WSCD1: variants seen among roughly 807,000 people sequenced by gnomAD.
WSCD1 encodes sialate:O-sulfotransferase 1.
A neutral mutation model predicts 60.4 loss-of-function variants in WSCD1; 41 were observed. The ratio of observed to expected loss-of-function variants is 0.68; its 90% CI spans 0.53 to 0.88. The LOEUF (loss-of-function observed/expected upper bound fraction) is 0.88, where lower values mean the gene tolerates loss of function less well. WSCD1 is among the 40% of genes least tolerant of loss of function. The pLI is 0.00. For missense variants in WSCD1, 784 were observed against 796.2 expected (o/e 0.98, Z 0.18); for synonymous variants, 361 against 332.5 (o/e 1.09, Z -0.93).
At chr17:6,076,913 C>T (rs529118862) in intron 1 of WSCD1, among the ~76,000 whole-genome samples, 3 of 152,290 alleles carry the variant, frequency 2.0e-5, no homozygotes, top group Admixed American at 2.0e-4. Flanking sequence ...AAACATTTAC[C>T]ATCACTGCCC....
chr17:6,089,531 G>A (rs1214932494), intron 3 of WSCD1, among the ~76,000 whole-genome samples: 1 of 152,184 alleles, frequency 6.6e-6, no homozygotes, highest in African/African-American at 2.4e-5. Context: ...CTGTGCAGTA[G>A]GGCCCATGTG....
intron 5 of WSCD1, among the ~76,000 whole-genome samples, chr17:6,107,388 C>A (rs895025084): frequency 1.3e-5 from 2 of 152,052 alleles, no homozygotes; most frequent in African/African-American, 4.8e-5. Context: ...GTAATCCCGG[C>A]TATTCAGGAG....
chr17:6,120,569 A>G lies in WSCD1; in HGVS notation c.1636A>G (p.Lys546Glu), dbSNP rs776548004. 3.1e-6 allele frequency: 5 copies of G among 1,613,752 alleles called. No individual in the cohort carries two copies. Among genetic ancestry groups the G allele is most frequent in the Non-Finnish European group, 4.2e-6 (5 of 1,179,992 alleles). ...CCCTGAGCCCTTCACCCCGGAGATG[A>G]AAGACTTGATCAATGGCTACATCCG... is the stretch of plus-strand genomic sequence containing the variant. The part of the protein sequence containing the change: ...HDPEPFTPEM[K>E]DLINGYIRTV... The change falls in exon 9 of 9, where the codon AAA becomes GAA. Residue 546 changes from lysine (K) to glutamate (E), a missense_variant. By Grantham distance (56) the Lys-to-Glu change is moderately conservative. Transcript: ENST00000317744.
upstream of WSCD1, among the ~76,000 whole-genome samples, chr17:6,069,470 G>C (rs942387183): frequency 2.0e-5 from 3 of 147,262 alleles, no homozygotes; most frequent in Non-Finnish European, 4.5e-5. Flanking sequence ...TCAATGCCCA[G>C]TATGCCCCTC....
chr17:6,104,924 T>C (rs1911001629), intron 5 of WSCD1, among the ~76,000 whole-genome samples: 2 of 152,178 alleles, frequency 1.3e-5, no homozygotes, highest in East Asian at 3.9e-4. Flanking sequence ...CTGTGATCCC[T>C]GAAATCTCTG....
intron 7 of WSCD1, among the ~76,000 whole-genome samples, chr17:6,111,852 T>C (rs1173882458): frequency 6.6e-6 from 1 of 152,016 alleles, no homozygotes; most frequent in African/African-American, 2.4e-5. Flanking sequence ...CTCAGCATGA[T>C]ACAAGAGAAT....
intron 4 of WSCD1, among the ~76,000 whole-genome samples, chr17:6,092,886 T>A (rs1209402456): frequency 6.6e-6 from 1 of 152,152 alleles, no homozygotes; most frequent in African/African-American, 2.4e-5. Flanking sequence ...CCTAGCTGCC[T>A]CTTTGGGCAG....
chr17:6,115,219 G>T, intron 7 of WSCD1, among the ~76,000 whole-genome samples: 1 of 152,094 alleles, frequency 6.6e-6, no homozygotes, highest in East Asian at 1.9e-4. Flanking sequence ...GCCTATTCTG[G>T]ATTCAAAGAG....
intron 1 of WSCD1, among the ~76,000 whole-genome samples, chr17:6,072,983 C>CCTTCA (rs1285921047): frequency 6.6e-6 from 1 of 152,232 alleles, no homozygotes; most frequent in Non-Finnish European, 1.5e-5. Flanking sequence ...AGGCCCCTCC[C>CCTTCA]CTTCACTTCG....
chr17:6,105,111 A>G (rs1215655158), intron 5 of WSCD1, among the ~76,000 whole-genome samples: 1 of 152,120 alleles, frequency 6.6e-6, no homozygotes, highest in African/African-American at 2.4e-5. Flanking sequence ...CCGCATGTGG[A>G]TCCCCGCCAG....
Position 6,120,780 on chromosome 17 carries a change from A to G in WSCD1, c.*119A>G, listed in dbSNP as rs1904645717. On this transcript the variant is annotated 3_prime_UTR_variant, in exon 9 of 9. Coordinates refer to ENST00000317744, the MANE Select transcript of WSCD1 (RefSeq NM_015253.2). ...GGGACGAACGGTGGGTGGGGGGCTCACCCTGGTGCTGCCTCCCGCACAAGG... is the reference window on the plus strand; with the variant it reads ...GGGACGAACGGTGGGTGGGGGGCTCGCCCTGGTGCTGCCTCCCGCACAAGG... 1.9e-6 allele frequency: 2 copies of G among 1,068,790 alleles called. No individual in the cohort carries two copies. The highest frequency in any genetic ancestry group is 2.6e-6 in the Non-Finnish European group (2 of 757,328). The allele number at this position is 1,068,790 out of a possible 1,614,324, so 66.2% of individuals were successfully genotyped here. A position where few individuals can be genotyped will look rare whatever the true frequency, so the allele number is the denominator to read the frequency against.
chr17:6,098,472 C>T (rs1910592167), intron 5 of WSCD1, among the ~76,000 whole-genome samples: 1 of 152,218 alleles, frequency 6.6e-6, no homozygotes, highest in Non-Finnish European at 1.5e-5. Flanking sequence ...CATCTCCCCT[C>T]ACAACGCATT....
Position 6,109,699 on chromosome 17 carries a change from A to T in WSCD1, c.942A>T (p.Val314=), listed in dbSNP as rs368263454. ...FNLRDAMDSS[V]CGQDPEAQRL... ...TGCGGGATGCCATGGACAGCTCAGT[A>T]TGTGGCCAGGACCCTGAGGCACAGA... The change falls in exon 6 of 9, where the codon GTA becomes GTT. Residue 314 remains valine (V), a synonymous_variant. Transcript: ENST00000317744. The T allele has an allele frequency of 6.2e-7, 1 of 1,614,020 alleles. No individual in the cohort carries two copies. The highest frequency in any genetic ancestry group is 1.3e-5 in the African/African-American group (1 of 74,910).
At position 6,123,561 on chromosome 17, in the gene WSCD1, G is replaced by A. The variant is rs182799267; in HGVS notation, c.*2900G>A. On this transcript the variant is annotated 3_prime_UTR_variant, in exon 9 of 9. Transcript: ENST00000317744. ...ATGCATTCTCCCCTTAAAAGTAGCA[G>A]TAGCCACTTGGTTCTTAGGGGGCCC... 2.4e-4 allele frequency: 36 copies of A among 152,312 alleles called. No homozygotes were observed. The highest frequency in any genetic ancestry group is 8.7e-4 in the African/African-American group (36 of 41,572). The allele number at this position is 152,312 out of a possible 1,614,324, so 9.4% of individuals were successfully genotyped here. A position where few individuals can be genotyped will look rare whatever the true frequency, so the allele number is the denominator to read the frequency against.
chr17:6,107,156 G>A (rs759515728), intron 5 of WSCD1, among the ~76,000 whole-genome samples: 2 of 152,156 alleles, frequency 1.3e-5, no homozygotes, highest in Non-Finnish European at 1.5e-5. Flanking sequence ...TGTGTTGGCT[G>A]TATCCTAACC....
chr17:6,109,815 G>A lies in WSCD1; in HGVS notation c.1009+49G>A, dbSNP rs200401026. On this transcript the variant is annotated intron_variant, in intron 6 of 8. Coordinates refer to ENST00000317744, the MANE Select transcript of WSCD1 (RefSeq NM_015253.2). ...TAGTGGCATTTGGTCTGGGGGGTGGGGAGAGCTTCCAGGGTTTGGAGATGC... is the reference window on the plus strand; with the variant it reads ...TAGTGGCATTTGGTCTGGGGGGTGGAGAGAGCTTCCAGGGTTTGGAGATGC... 71 of 1,588,942 alleles carry A rather than the reference G, an allele frequency of 4.5e-5. No homozygotes were observed. The East Asian group carries it at 1.4e-3, about 31-fold the overall frequency.
intron 5 of WSCD1, among the ~76,000 whole-genome samples, chr17:6,105,099 T>A (rs1257166651): frequency 1.3e-5 from 2 of 152,160 alleles, no homozygotes; most frequent in Admixed American, 6.5e-5. Flanking sequence ...AGACCAAGCC[T>A]CCCGCATGTG....
intron 7 of WSCD1, among the ~76,000 whole-genome samples, chr17:6,114,466 G>T (rs1000287459): frequency 6.6e-6 from 1 of 152,040 alleles, no homozygotes; most frequent in Non-Finnish European, 1.5e-5. Flanking sequence ...GACAATAATT[G>T]ATTGTATGTT....
upstream of WSCD1, among the ~76,000 whole-genome samples, chr17:6,069,974 G>A (rs1232896213): frequency 6.6e-6 from 1 of 151,812 alleles, no homozygotes; most frequent in Non-Finnish European, 1.5e-5. Context: ...AGTGATTCGG[G>A]ATGTGTGTGT....
Sources: gnomAD v4.1 joint callset for allele counts (sites outside exome capture counted in the v4.1 genomes callset) on GRCh38, gnomAD v4.1.1 for gene constraint, MANE v1.5 for transcripts, NCBI Gene and HGNC (gene_info 2026-07-23, HGNC 2026-07-21) for gene names.